The following PARD3 variants were observed in gnomAD, a reference collection of about 807,000 sequenced individuals.
PARD3 encodes par-3 family cell polarity regulator.
PARD3 carries 75 observed loss-of-function variants against 155.4 expected under a neutral mutation model. That is an observed-to-expected ratio of 0.48 (90% confidence interval 0.40 to 0.58). The LOEUF (loss-of-function observed/expected upper bound fraction) is 0.58, where lower values mean the gene tolerates loss of function less well. Ranked by LOEUF, PARD3 falls within the 20% of genes least tolerant of loss-of-function variation. The pLI, the probability that PARD3 is intolerant of heterozygous loss-of-function variation, is 0.00. For missense variants in PARD3, 1,642 were observed against 1,721.7 expected (o/e 0.95, Z 0.82); for synonymous variants, 576 against 610.5 (o/e 0.94, Z 0.83).
At chr10:34,745,717 G>A (rs1835221876) in intron 1 of PARD3, among the ~76,000 whole-genome samples, 3 of 151,938 alleles carry the variant, frequency 2.0e-5, no homozygotes. Flanking sequence ...AGTGATTTCA[G>A]GAGTTCAATG....
intron 20 of PARD3, among the ~76,000 whole-genome samples, chr10:34,311,464 T>C (rs536197124): frequency 6.6e-6 from 1 of 152,300 alleles, no homozygotes; most frequent in Admixed American, 6.5e-5. Context: ...AAGCCATGAA[T>C]AATGAAACTG....
At chr10:34,375,820 T>C (rs1841170423) in intron 10 of PARD3, among the ~76,000 whole-genome samples, 1 of 152,224 alleles carries the variant, frequency 6.6e-6, no homozygotes, top group African/African-American at 2.4e-5. Context: ...GTAGTTAAAA[T>C]ATATTTCAGA....
intron 2 of PARD3, among the ~76,000 whole-genome samples, chr10:34,666,816 T>TATATATATATATACACACACAC (rs765552982): frequency 2.3e-5 from 2 of 88,768 alleles, no homozygotes; most frequent in Admixed American, 1.5e-4. Context: ...TATATATATA[T>TATATATATATATACACACACAC]ACACACACAC....
intron 22 of PARD3, among the ~76,000 whole-genome samples, chr10:34,152,349 CT>C (rs1190725104): frequency 6.6e-6 from 1 of 152,222 alleles, no homozygotes; most frequent in African/African-American, 2.4e-5. Flanking sequence ...ATGTAGTCTA[CT>C]ACCCAGCTAG....
intron 19 of PARD3, among the ~76,000 whole-genome samples, chr10:34,330,113 G>A (rs564663706): frequency 4.6e-5 from 7 of 152,100 alleles, no homozygotes; most frequent in African/African-American, 7.2e-5. Context: ...CCAACTATTC[G>A]TACAATAGTT....
intron 19 of PARD3, among the ~76,000 whole-genome samples, chr10:34,327,784 G>A (rs1389927461): frequency 6.6e-6 from 1 of 152,174 alleles, no homozygotes; most frequent in Admixed American, 6.5e-5. Flanking sequence ...GTTCAAGGGG[G>A]ATGTGGCTTT....
intron 3 of PARD3, among the ~76,000 whole-genome samples, chr10:34,479,842 G>C (rs953180466): frequency 1.1e-4 from 16 of 152,284 alleles, no homozygotes; most frequent in African/African-American, 3.6e-4. Context: ...GTGTTTTGCG[G>C]ACTCAGAGAG....
At chr10:34,322,213 T>C (rs1429509226) in intron 19 of PARD3, among the ~76,000 whole-genome samples, 1 of 152,114 alleles carries the variant, frequency 6.6e-6, no homozygotes. Flanking sequence ...AGAGGGCTCA[T>C]TCCCTTCTGT....
intron 5 of PARD3, among the ~76,000 whole-genome samples, chr10:34,432,676 C>T (rs2076007923): frequency 6.6e-6 from 1 of 152,074 alleles, no homozygotes; most frequent in Non-Finnish European, 1.5e-5. Context: ...TATTAGGGAC[C>T]ACTTCCCATC....
At chr10:34,325,168 C>T (rs1958614048) in intron 19 of PARD3, among the ~76,000 whole-genome samples, 2 of 152,076 alleles carry the variant, frequency 1.3e-5, no homozygotes, top group African/African-American at 4.8e-5. Context: ...CAGCACCACG[C>T]CTGGCTAATC....
At chr10:34,572,744 G>A (rs865820122) in intron 2 of PARD3, among the ~76,000 whole-genome samples, 21 of 151,772 alleles carry the variant, frequency 1.4e-4, no homozygotes, top group Admixed American at 6.6e-4. Context: ...CAAAACTAAC[G>A]GGGGTTTTGT....
chr10:34,316,907 A>G (rs1283646000), intron 20 of PARD3, among the ~76,000 whole-genome samples, 200 bp downstream of exon 20: 1 of 152,076 alleles, frequency 6.6e-6, no homozygotes, highest in Non-Finnish European at 1.5e-5. Context: ...TTATTTATTT[A>G]TTTATTTTAG....
intron 7 of PARD3, among the ~76,000 whole-genome samples, chr10:34,395,591 A>G (rs1843244195): frequency 3.3e-5 from 1 of 30,086 alleles, no homozygotes; most frequent in African/African-American, 1.1e-3. Flanking sequence ...TAATCCCAGC[A>G]CTTTGGGAGG....
intron 2 of PARD3, among the ~76,000 whole-genome samples, chr10:34,567,155 GCCAA>G (rs1282587798): frequency 1.3e-5 from 2 of 152,124 alleles, no homozygotes; most frequent in Non-Finnish European, 2.9e-5. Context: ...ATCTTGTTGA[GCCAA>G]CCATTCCTAA....
At chr10:34,716,774 T>C (rs918687142) in intron 1 of PARD3, among the ~76,000 whole-genome samples, 1 of 151,838 alleles carries the variant, frequency 6.6e-6, no homozygotes, top group African/African-American at 2.4e-5. Context: ...GTATTTTTAG[T>C]AGGGACAGGG....
Position 34,586,900 on chromosome 10 carries a change from G to A in PARD3, c.223-69741C>T, listed in dbSNP as rs540238998. ...GGAGGCAGAGGTTGCGGTGAGCTGAGATGGTGCCATTGCACTCCAGCCTGG... is the reference window on the plus strand; with the variant it reads ...GGAGGCAGAGGTTGCGGTGAGCTGAAATGGTGCCATTGCACTCCAGCCTGG... On this transcript the variant is annotated intron_variant, in intron 2 of 24. Coordinates refer to ENST00000374788, the MANE Select transcript of PARD3 (RefSeq NM_001184785.2). Among the ~76,000 whole-genome samples the A allele has an allele frequency of 4.1e-4, 63 of 152,116 alleles. 1 individual carries two copies. Among genetic ancestry groups the A allele is most frequent in the African/African-American group, 1.4e-3 (59 of 41,494 alleles).
chr10:34,321,958 AT>A (rs879343156), intron 19 of PARD3, among the ~76,000 whole-genome samples: 3 of 151,916 alleles, frequency 2.0e-5, no homozygotes, highest in Non-Finnish European at 2.9e-5. Context: ...ATTAGAGTCT[AT>A]TTCCCCCCCC....
At chr10:34,572,423 T>A (rs1243771511) in intron 2 of PARD3, among the ~76,000 whole-genome samples, 1 of 152,092 alleles carries the variant, frequency 6.6e-6, no homozygotes, top group Non-Finnish European at 1.5e-5. Context: ...CGGATCACTC[T>A]GAGGTCAGGA....
chr10:34,186,672 C>T (rs1268252937), intron 22 of PARD3, among the ~76,000 whole-genome samples: 1 of 152,122 alleles, frequency 6.6e-6, no homozygotes, highest in Non-Finnish European at 1.5e-5. Context: ...GCAGTGGCAA[C>T]CTCAAAAGGC....
Sources: gnomAD v4.1 joint callset for allele counts (sites outside exome capture counted in the v4.1 genomes callset) on GRCh38, gnomAD v4.1.1 for gene constraint, MANE v1.5 for transcripts, NCBI Gene and HGNC (gene_info 2026-07-23, HGNC 2026-07-21) for gene names.